Variants in EFR3B observed in about 807,000 individuals in gnomAD.
EFR3B encodes the protein protein EFR3 homolog B.
A neutral mutation model predicts 104.7 loss-of-function variants in EFR3B; 64 were observed. The ratio of observed to expected loss-of-function variants is 0.61; its 90% confidence interval spans 0.50 to 0.75. The LOEUF (loss-of-function observed/expected upper bound fraction) is 0.75, where lower values mean the gene tolerates loss of function less well. Among genes scored for constraint, EFR3B ranks in the 30% least tolerant of loss-of-function variants. The pLI is 0.00. For missense variants in EFR3B, 750 were observed against 1,078.5 expected, an observed-to-expected ratio of 0.70 and a Z score of 4.27; for synonymous variants, 385 against 417.9, an observed-to-expected ratio of 0.92 and a Z score of 0.96.
intron 1 of EFR3B, among the ~76,000 whole-genome samples, chr2:25,058,731 C>T (rs1668092300): frequency 6.6e-6 from 1 of 151,278 alleles, no homozygotes; most frequent in Admixed American, 6.6e-5. Context: ...TGCACTCCAG[C>T]CTAGGAGACA....
intron 3 of EFR3B, among the ~76,000 whole-genome samples, chr2:25,102,421 C>T (rs1215152918): frequency 6.6e-6 from 1 of 152,184 alleles, no homozygotes; most frequent in Non-Finnish European, 1.5e-5. Context: ...AATTGACTCA[C>T]ACAGTTCTGC....
intron 5 of EFR3B, among the ~76,000 whole-genome samples, chr2:25,123,818 A>T (rs72852524): frequency 0.2 from 30,347 of 152,308 alleles, 3,799 homozygotes; most frequent in Admixed American, 0.37. Context: ...ACACATGCAC[A>T]CAGACACATG....
At chr2:25,138,393 G>A (rs1365236085) in intron 15 of EFR3B, among the ~76,000 whole-genome samples, 1 of 152,128 alleles carries the variant, frequency 6.6e-6, no homozygotes, top group African/African-American at 2.4e-5. Context: ...CTGGGTGCGT[G>A]TGTACACCCA....
intron 6 of EFR3B, 32 bp downstream of exon 6, chr2:25,128,364 A>C (rs942087246): frequency 5.8e-6 from 9 of 1,550,678 alleles, no homozygotes; most frequent in African/African-American, 1.4e-5. Flanking sequence ...AGGACAGTAG[A>C]TATAATCAAC....
Position 25,156,333 on chromosome 2 carries a change from T to C in EFR3B, c.*1993T>C, listed in dbSNP as rs1484458218. 1.5e-5 allele frequency: 2 copies of C among 136,160 alleles called. No homozygotes were observed. The highest frequency in any genetic ancestry group is 2.5e-4 in the South Asian group (1 of 3,922). 8.4% of individuals were successfully genotyped at this position (136,160 alleles called of 1,614,324 possible). A position where few individuals can be genotyped will look rare whatever the true frequency, so the allele number is the denominator to read the frequency against. ...TTTTTTTTGAGACACCGTCTCGCTC[T>C]GTCACCCAGGCTGGAGTACAATGGT... is the stretch of plus-strand genomic sequence containing the variant. On this transcript the variant is annotated 3_prime_UTR_variant, in exon 23 of 23. Coordinates refer to ENST00000403714, the MANE Select transcript of EFR3B (RefSeq NM_014971.2).
At chr2:25,089,715 G>C (rs545246567) in intron 1 of EFR3B, among the ~76,000 whole-genome samples, 2 of 152,244 alleles carry the variant, frequency 1.3e-5, no homozygotes, top group East Asian at 3.9e-4. Context: ...CCTTTTCTCA[G>C]GCAGGGGCAG....
chr2:25,065,874 C>T (rs1011556420), intron 1 of EFR3B, among the ~76,000 whole-genome samples: 2 of 152,098 alleles, frequency 1.3e-5, no homozygotes, highest in African/African-American at 2.4e-5. Context: ...CTCTTCCTGA[C>T]ACCCTCTGCT....
At chr2:25,122,391 C>T (rs1482640260) in intron 5 of EFR3B, among the ~76,000 whole-genome samples, 1 of 152,088 alleles carries the variant, frequency 6.6e-6, no homozygotes, top group Non-Finnish European at 1.5e-5. Flanking sequence ...CACACACAGC[C>T]CTCCATACAC....
chr2:25,062,588 C>A (rs1184969880), intron 1 of EFR3B, among the ~76,000 whole-genome samples: 1 of 152,224 alleles, frequency 6.6e-6, no homozygotes, highest in African/African-American at 2.4e-5. Context: ...TTACCAGCAG[C>A]CTAGCACCAG....
intron 4 of EFR3B, among the ~76,000 whole-genome samples, chr2:25,107,915 C>A (rs986792771): frequency 6.6e-6 from 1 of 151,616 alleles, no homozygotes; most frequent in African/African-American, 2.4e-5. Flanking sequence ...GCCATCTTGG[C>A]TCGCTGCAAC....
chr2:25,110,241 C>T (rs891947217), intron 4 of EFR3B, among the ~76,000 whole-genome samples: 1 of 152,200 alleles, frequency 6.6e-6, no homozygotes, highest in African/African-American at 2.4e-5. Context: ...GCCTTACCCT[C>T]CCAGGGCCTG....
chr2:25,128,414 T>C (rs1573223206), intron 6 of EFR3B, 82 bp downstream of exon 6: 1 of 1,505,360 alleles, frequency 6.6e-7, no homozygotes, highest in African/African-American at 1.4e-5. Flanking sequence ...TTTGGGTTGG[T>C]CAGTAAAACT....
At chr2:25,140,362 AT>A (rs1203821087) in intron 16 of EFR3B, among the ~76,000 whole-genome samples, 1 of 152,116 alleles carries the variant, frequency 6.6e-6, no homozygotes. Flanking sequence ...AAACAAGAAA[AT>A]TTAGGTCTTA....
chr2:25,150,469 A>C (rs564747065), intron 20 of EFR3B, among the ~76,000 whole-genome samples: 61 of 152,338 alleles, frequency 4.0e-4, no homozygotes, highest in African/African-American at 1.4e-3. Flanking sequence ...AGATGATTTT[A>C]AAATGCATGT....
intron 5 of EFR3B, among the ~76,000 whole-genome samples, chr2:25,125,148 C>T (rs1429510685): frequency 6.6e-6 from 1 of 152,208 alleles, no homozygotes; most frequent in Non-Finnish European, 1.5e-5. Flanking sequence ...AAGGCACGGT[C>T]AGCTCTGGGT....
chr2:25,080,758 C>G, intron 1 of EFR3B: 1 of 1,284,592 alleles, frequency 7.8e-7, no homozygotes, highest in Non-Finnish European at 1.1e-6. Context: ...TTTCTTTTGG[C>G]GTTAGGCTGA....
intron 4 of EFR3B, among the ~76,000 whole-genome samples, chr2:25,112,207 T>G (rs1669740833): frequency 6.6e-6 from 1 of 152,242 alleles, no homozygotes; most frequent in Admixed American, 6.5e-5. Context: ...CCAAGGCCAG[T>G]GGAACGGCCC....
At chr2:25,061,297 G>A (rs1668187477) in intron 1 of EFR3B, among the ~76,000 whole-genome samples, 1 of 151,866 alleles carries the variant, frequency 6.6e-6, no homozygotes, top group South Asian at 2.1e-4. Flanking sequence ...TTTTTTGGTA[G>A]AGACGGGGTT....
intron 11 of EFR3B, 76 bp downstream of exon 11, chr2:25,133,090 CTTAA>C (rs1412960746): frequency 7.4e-7 from 1 of 1,343,986 alleles, no homozygotes; most frequent in East Asian, 2.5e-5. Flanking sequence ...CTTTATCCCT[CTTAA>C]TTTTCTTGGC....
Sources: allele counts gnomAD v4.1 joint callset (sites outside exome capture counted in the v4.1 genomes callset), GRCh38; gene constraint gnomAD v4.1.1; transcripts MANE v1.5; gene names NCBI Gene and HGNC (gene_info 2026-07-23, HGNC 2026-07-21).